DLGAP2: variants seen among roughly 807,000 people sequenced by gnomAD.
DLGAP2 encodes DLG associated protein 2.
In DLGAP2, 26 loss-of-function variants were observed where a neutral mutation model predicts 100.3. The observed-to-expected ratio is 0.26, with a 90% confidence interval of 0.19 to 0.36. DLGAP2 has a LOEUF of 0.36. Among genes scored for constraint, DLGAP2 ranks in the 10% least tolerant of loss-of-function variants. The probability of loss-of-function intolerance (pLI) is 1.00; values close to 1 mark genes in which losing one functional copy is unlikely to be tolerated. For missense variants in DLGAP2, 1,858 were observed against 1,453.2 expected, an observed-to-expected ratio of 1.28 and a Z score of -4.53; for synonymous variants, 886 against 630.1, an observed-to-expected ratio of 1.41 and a Z score of -6.08.
chr8:1,211,069 G>A (rs557122328), intron 2 of DLGAP2, among the ~76,000 whole-genome samples: 3 of 152,372 alleles, frequency 2.0e-5, no homozygotes, highest in South Asian at 4.1e-4. Context: ...TGGGCATGTG[G>A]AGATCAAGTG....
At chr8:1,349,075 C>T (rs1801640484) in intron 3 of DLGAP2, among the ~76,000 whole-genome samples, 1 of 151,656 alleles carries the variant, frequency 6.6e-6, no homozygotes, top group South Asian at 2.1e-4. Context: ...GCCAAGTCAC[C>T]TCAGCAGTGT....
At chr8:1,193,660 G>T (rs1002385002) in intron 2 of DLGAP2, among the ~76,000 whole-genome samples, 1 of 152,136 alleles carries the variant, frequency 6.6e-6, no homozygotes, top group African/African-American at 2.4e-5. Flanking sequence ...GGCTGTTTCT[G>T]TGAACGATCC....
Position 1,707,935 on chromosome 8 carries a change from T to C in DLGAP2, c.*6529T>C, listed in dbSNP as rs1290665623. 1 of 152,660 alleles carries C rather than the reference T, an allele frequency of 6.6e-6. No individual in the cohort carries two copies. The highest frequency in any genetic ancestry group is 1.5e-5 in the Non-Finnish European group (1 of 68,044). 9.5% of individuals were successfully genotyped at this position (152,660 alleles called of 1,614,324 possible). On this transcript the variant is annotated 3_prime_UTR_variant, in exon 15 of 15. Coordinates refer to ENST00000637795, the MANE Select transcript of DLGAP2 (RefSeq NM_001346810.2). ...TATGGTTCTTTTGATAAATTCTATT[T>C]AGTAGCATGCAGGATACCTAATCTG...
chr8:860,734 C>T (rs1252017143), intron 1 of DLGAP2, among the ~76,000 whole-genome samples: 1 of 152,128 alleles, frequency 6.6e-6, no homozygotes, highest in Non-Finnish European at 1.5e-5. Context: ...TAATCGTGTG[C>T]GTGTGGCAGG....
chr8:1,333,668 C>A (rs566984851), intron 3 of DLGAP2, among the ~76,000 whole-genome samples: 2 of 152,334 alleles, frequency 1.3e-5, no homozygotes, highest in African/African-American at 4.8e-5. Flanking sequence ...GCCGATGTAA[C>A]CGCGGGCTCT....
chr8:1,318,788 C>CG (rs1554441869), intron 3 of DLGAP2, among the ~76,000 whole-genome samples: 1 of 131,068 alleles, frequency 7.6e-6, no homozygotes, highest in African/African-American at 2.9e-5. Context: ...GCCCCCCCCC[C>CG]GCCCCCTCGC....
chr8:1,636,694 A>G (rs550372937), intron 8 of DLGAP2, among the ~76,000 whole-genome samples: 5 of 152,348 alleles, frequency 3.3e-5, no homozygotes, highest in South Asian at 2.1e-4. Context: ...GGAAATTTTC[A>G]TCGTGGACTA....
chr8:874,339 C>T (rs1176322043), intron 1 of DLGAP2, among the ~76,000 whole-genome samples: 1 of 152,024 alleles, frequency 6.6e-6, no homozygotes, highest in Admixed American at 6.6e-5. Context: ...GAAGCATTTA[C>T]AGCTATAAAT....
intron 6 of DLGAP2, among the ~76,000 whole-genome samples, chr8:1,593,810 T>G (rs1336966694): frequency 3.3e-5 from 5 of 152,118 alleles, no homozygotes; most frequent in Admixed American, 6.6e-5. Context: ...GTAGATCCTC[T>G]CCCTCCTCAG....
At chr8:946,675 T>C (rs1799334634) in intron 2 of DLGAP2, among the ~76,000 whole-genome samples, 1 of 152,200 alleles carries the variant, frequency 6.6e-6, no homozygotes, top group African/African-American at 2.4e-5. Context: ...AGACAGGTAA[T>C]ACCTGTCTAG....
intron 4 of DLGAP2, among the ~76,000 whole-genome samples, chr8:1,521,695 G>T (rs1161842432): frequency 4.8e-5 from 1 of 20,642 alleles, no homozygotes; most frequent in African/African-American, 1.1e-4. Context: ...TGGGGCATCT[G>T]GTTTGCACAC....
chr8:771,815 A>G (rs1821369333), intron 1 of DLGAP2, among the ~76,000 whole-genome samples: 1 of 152,258 alleles, frequency 6.6e-6, no homozygotes, highest in African/African-American at 2.4e-5. Flanking sequence ...CACATATAGA[A>G]TAAACAATGG....
intron 2 of DLGAP2, among the ~76,000 whole-genome samples, chr8:967,142 G>A (rs894548216): frequency 2.0e-5 from 3 of 152,248 alleles, no homozygotes; most frequent in Admixed American, 6.5e-5. Flanking sequence ...AGAGGTGGCT[G>A]GGCCATCGCT....
At chr8:987,991 G>A (rs1309215849) in intron 2 of DLGAP2, among the ~76,000 whole-genome samples, 1 of 152,080 alleles carries the variant, frequency 6.6e-6, no homozygotes, top group Non-Finnish European at 1.5e-5. Context: ...AACAAGTCTG[G>A]TTCTCGATGT....
chr8:1,084,084 G>T (rs1803895877), intron 2 of DLGAP2, among the ~76,000 whole-genome samples: 1 of 152,018 alleles, frequency 6.6e-6, no homozygotes, highest in African/African-American at 2.4e-5. Context: ...TTTATTATTT[G>T]TATGTACTCT....
intron 3 of DLGAP2, among the ~76,000 whole-genome samples, chr8:1,370,067 G>A (rs1018444988): frequency 6.6e-5 from 10 of 152,112 alleles, no homozygotes; most frequent in South Asian, 6.2e-4. Context: ...GCCATTTCTC[G>A]GGGTGACTAA....
intron 2 of DLGAP2, among the ~76,000 whole-genome samples, chr8:989,653 C>G (rs549547339): frequency 6.6e-6 from 1 of 152,116 alleles, no homozygotes; most frequent in Non-Finnish European, 1.5e-5. Flanking sequence ...TGATTCTGCT[C>G]CATCTGGAAC....
intron 3 of DLGAP2, among the ~76,000 whole-genome samples, chr8:1,334,364 C>T (rs11778753): frequency 0.59 from 89,342 of 152,056 alleles, 28,462 homozygotes; most frequent in African/African-American, 0.85. Flanking sequence ...TGTCACCAAC[C>T]CAAAAATGAC....
chr8:853,310 G>C (rs974213441), intron 1 of DLGAP2, among the ~76,000 whole-genome samples: 6 of 152,204 alleles, frequency 3.9e-5, no homozygotes, highest in Admixed American at 2.0e-4. Flanking sequence ...AGAGTCCCAG[G>C]AGGGGCTTGG....
Sources: allele counts gnomAD v4.1 joint callset (sites outside exome capture counted in the v4.1 genomes callset), GRCh38; gene constraint gnomAD v4.1.1; transcripts MANE v1.5; gene names NCBI Gene and HGNC (gene_info 2026-07-23, HGNC 2026-07-21).